Variants in AGTR1 observed in about 807,000 individuals in gnomAD.
The protein encoded by AGTR1 is angiotensin II receptor type 1.
A neutral mutation model predicts 19.4 loss-of-function variants in AGTR1; 16 were observed. The observed-to-expected ratio is 0.82, with a 90% CI of 0.56 to 1.25. The LOEUF (loss-of-function observed/expected upper bound fraction) is 1.25. Among genes scored for constraint, AGTR1 ranks in the 50% most tolerant of loss-of-function variants. The pLI is 0.00. For missense variants in AGTR1, 373 were observed against 431.9 expected (o/e 0.86, Z 1.21); for synonymous variants, 153 against 154.9 (o/e 0.99, Z 0.09).
chr3:148,740,428 A>G (rs903944431), intron 2 of AGTR1, among the ~76,000 whole-genome samples: 3 of 152,348 alleles, frequency 2.0e-5, no homozygotes, highest in African/African-American at 7.2e-5. Context: ...TCTTAAATCA[A>G]TTGCCACAGT....
At chr3:148,739,819 A>C (rs1714772931) in intron 2 of AGTR1, 1 of 1,231,714 alleles carries the variant, frequency 8.1e-7, no homozygotes, top group Non-Finnish European at 1.0e-6. Context: ...TTGCAAGAGA[A>C]TGCTCAGCCA....
intron 2 of AGTR1, among the ~76,000 whole-genome samples, chr3:148,710,279 C>A (rs967852630): frequency 1.3e-5 from 2 of 152,120 alleles, no homozygotes; most frequent in South Asian, 2.1e-4. Context: ...ATACAGCTCT[C>A]ACAGACCATT....
intron 2 of AGTR1, among the ~76,000 whole-genome samples, chr3:148,723,763 T>C: frequency 6.6e-6 from 1 of 152,220 alleles, no homozygotes; most frequent in Non-Finnish European, 1.5e-5. Flanking sequence ...GGGTAGACAG[T>C]TGACTCATCC....
At chr3:148,713,491 C>T (rs935285301) in intron 2 of AGTR1, among the ~76,000 whole-genome samples, 11 of 152,024 alleles carry the variant, frequency 7.2e-5, no homozygotes, top group Non-Finnish European at 1.6e-4. Flanking sequence ...AATGAAATGT[C>T]GCAAATCAAT....
At chr3:148,712,200 A>G (rs1713026694) in intron 2 of AGTR1, among the ~76,000 whole-genome samples, 5 of 152,124 alleles carry the variant, frequency 3.3e-5, no homozygotes, top group Admixed American at 3.3e-4. Flanking sequence ...AAGACTTTTA[A>G]GATTTAAATG....
intron 2 of AGTR1, among the ~76,000 whole-genome samples, chr3:148,725,675 G>A (rs778417988): frequency 2.5e-4 from 38 of 152,122 alleles, no homozygotes; most frequent in Non-Finnish European, 3.8e-4. Flanking sequence ...TAGAGACGGG[G>A]TTTCACCATG....
At position 148,713,007 on chromosome 3, in the gene AGTR1, A is replaced by C. The variant is rs543464314; in HGVS notation, c.-48+4980A>C. Among the ~76,000 whole-genome samples, 30 of 152,260 alleles carry C rather than the reference A, an allele frequency of 2.0e-4. 1 individual carries two copies. The highest frequency in any genetic ancestry group is 7.2e-4 in the Admixed American group (11 of 15,274). ...AATTTAGATTTAAATAGATGGATGA[A>C]TTAGACAAAACATACTCTCTGAAAG... On this transcript the variant is annotated intron_variant, in intron 2 of 2. Transcript: ENST00000349243.
chr3:148,717,964 G>A (rs1437323705), intron 2 of AGTR1, among the ~76,000 whole-genome samples: 4 of 152,160 alleles, frequency 2.6e-5, no homozygotes, highest in Non-Finnish European at 1.5e-5. Flanking sequence ...AAAGGATTGG[G>A]ATGAGTTATT....
chr3:148,720,919 G>A (rs926743429), intron 2 of AGTR1, among the ~76,000 whole-genome samples: 1 of 152,084 alleles, frequency 6.6e-6, no homozygotes, highest in African/African-American at 2.4e-5. Context: ...TTTAAATTAA[G>A]GTGTAAATAA....
chr3:148,725,586 G>A (rs1350607697), intron 2 of AGTR1, among the ~76,000 whole-genome samples: 1 of 152,118 alleles, frequency 6.6e-6, no homozygotes, highest in Non-Finnish European at 1.5e-5. Flanking sequence ...GGGTTCAAGC[G>A]ATTCTCCTGC....
At chr3:148,714,007 C>A (rs1390233325) in intron 2 of AGTR1, among the ~76,000 whole-genome samples, 1 of 152,104 alleles carries the variant, frequency 6.6e-6, no homozygotes, top group African/African-American at 2.4e-5. Context: ...AGTTTCTTCC[C>A]TTTGCCTCTA....
chr3:148,731,368 T>C (rs536997554), intron 2 of AGTR1: 2 of 152,290 alleles, frequency 1.3e-5, no homozygotes, highest in Admixed American at 1.3e-4. Flanking sequence ...GTAGAAGCAA[T>C]CCAATATCTA....
At chr3:148,727,620 GA>G (rs1367694611) in intron 2 of AGTR1, among the ~76,000 whole-genome samples, 1 of 152,148 alleles carries the variant, frequency 6.6e-6, no homozygotes, top group African/African-American at 2.4e-5. Context: ...AATGCTTACA[GA>G]AGGTAATTTC....
At chr3:148,700,742 C>T (rs1712289235) in intron 1 of AGTR1, among the ~76,000 whole-genome samples, 1 of 152,196 alleles carries the variant, frequency 6.6e-6, no homozygotes, top group African/African-American at 2.4e-5. Context: ...GACCAAGTGT[C>T]CAAGCCCAGC....
rs535311318 is a variant in AGTR1 at position 148,723,270 on chromosome 3, A to ATTT, written c.-48+15244_-48+15246dup. Among the ~76,000 whole-genome samples the ATTT allele has an allele frequency of 7.2e-4, 110 of 152,234 alleles. 1 individual carries two copies. The highest frequency in any genetic ancestry group is 9.3e-4 in the Non-Finnish European group (63 of 68,044). On this transcript the variant is annotated intron_variant, in intron 2 of 2. Transcript: ENST00000349243. The stretch of plus-strand genomic sequence containing the variant: ...GCCTTAAAACATAAATGTACAGATA[A>ATTT]TTTCCTATTTGTAGCAAAGTTCACT...
chr3:148,715,511 G>C (rs1028053227), intron 2 of AGTR1, among the ~76,000 whole-genome samples: 2 of 152,028 alleles, frequency 1.3e-5, no homozygotes, highest in Non-Finnish European at 1.5e-5. Context: ...CTCCATTAGA[G>C]ACATCCCCCA....
intron 2 of AGTR1, among the ~76,000 whole-genome samples, chr3:148,714,214 T>C (rs1713157914): frequency 6.6e-6 from 1 of 152,156 alleles, no homozygotes; most frequent in South Asian, 2.1e-4. Context: ...TAGACAAAAA[T>C]GCTTGGCCTC....
chr3:148,723,352 A>C (rs1713752957), intron 2 of AGTR1, among the ~76,000 whole-genome samples: 1 of 152,254 alleles, frequency 6.6e-6, no homozygotes, highest in Admixed American at 6.5e-5. Context: ...TTTATTTAAA[A>C]TATTTTAAAA....
intron 1 of AGTR1, among the ~76,000 whole-genome samples, chr3:148,700,172 T>A (rs1712254860): frequency 6.6e-6 from 1 of 152,126 alleles, no homozygotes. Flanking sequence ...TATTTGTGTA[T>A]ATAATTTTGT....
Sources: allele counts gnomAD v4.1 joint callset (sites outside exome capture counted in the v4.1 genomes callset), GRCh38; gene constraint gnomAD v4.1.1; transcripts MANE v1.5; gene names NCBI Gene and HGNC (gene_info 2026-07-23, HGNC 2026-07-21).